Variants in MMD2 observed in about 807,000 individuals in gnomAD.
MMD2 encodes the protein monocyte to macrophage differentiation associated 2.
In MMD2, 30 loss-of-function variants were observed where a neutral mutation model predicts 33.5. The ratio of observed to expected loss-of-function variants is 0.90; its 90% CI spans 0.67 to 1.22. The LOEUF (loss-of-function observed/expected upper bound fraction) is 1.22. Among genes scored for constraint, MMD2 ranks in the 50% most tolerant of loss-of-function variants. MMD2 has a pLI of 0.00. For synonymous variants in MMD2, 129 were observed against 123.0 expected, an observed-to-expected ratio of 1.05 and a Z score of -0.32; for missense variants, 364 against 325.4, an observed-to-expected ratio of 1.12 and a Z score of -0.91.
In MMD2 at chr7:4,916,060, G is replaced by A. The variant is rs770899663; in HGVS notation, c.310C>T (p.His104Tyr). The part of the protein sequence containing the change: ...SHLRMVEHCL[H>Y]MFDRMVIYFF... Reference sequence around the variant, plus strand: ...TAGATGACCATCCGGTCGAACATGTGTAGACAGTGTTCCACCATCCTAGGG... The same window carrying A: ...TAGATGACCATCCGGTCGAACATGTATAGACAGTGTTCCACCATCCTAGGG... The change falls in exon 4 of 7, where the codon CAC (histidine) becomes TAC (tyrosine). Residue 104 changes from histidine (H) to tyrosine (Y), a missense_variant. Transcript: ENST00000401401. 4 of 1,613,824 alleles carry A rather than the reference G, an allele frequency of 2.5e-6. No homozygotes were observed. Among genetic ancestry groups the A allele is most frequent in the Non-Finnish European group, 3.4e-6 (4 of 1,179,844 alleles).
At chr7:4,955,512 G>T (rs1203396816) in intron 1 of MMD2, among the ~76,000 whole-genome samples, 1 of 152,182 alleles carries the variant, frequency 6.6e-6, no homozygotes, top group African/African-American at 2.4e-5. Context: ...ACTTGGAATT[G>T]ACTAGCCCAA....
intron 2 of MMD2, among the ~76,000 whole-genome samples, chr7:4,923,379 C>T (rs1284876182): frequency 6.6e-6 from 1 of 152,172 alleles, no homozygotes; most frequent in Non-Finnish European, 1.5e-5. Context: ...GCTGGGATTA[C>T]AGGTGTGAGC....
At chr7:4,924,582 G>T (rs60674651) in intron 2 of MMD2, among the ~76,000 whole-genome samples, 2,349 of 152,344 alleles carry the variant, frequency 0.015, 61 homozygotes, top group African/African-American at 0.054. Context: ...CTGGCATGGT[G>T]ATGGGCCGTG....
intron 6 of MMD2, 122 bp downstream of exon 6, chr7:4,909,759 C>A: frequency 4.5e-6 from 6 of 1,339,878 alleles, no homozygotes; most frequent in Non-Finnish European, 6.3e-6. Flanking sequence ...ACAAGTCATG[C>A]CAGGCCTCAG....
chr7:4,895,094 T>C, the MMD2 span, among the ~76,000 whole-genome samples: 1 of 151,416 alleles, frequency 6.6e-6, no homozygotes. Context: ...TTTTTTTTTT[T>C]CTGAGACAGA....
intron 1 of MMD2, among the ~76,000 whole-genome samples, chr7:4,935,437 G>A (rs1446502828): frequency 1.3e-5 from 2 of 152,020 alleles, no homozygotes; most frequent in Non-Finnish European, 2.9e-5. Flanking sequence ...ATATTGGCAT[G>A]CTTAGAAGTT....
Position 4,940,799 on chromosome 7 carries a change from G to A in MMD2, c.48-15267C>T, listed in dbSNP as rs1238553794. 6.6e-6 allele frequency among the ~76,000 whole-genome samples: 1 copy of A among 152,184 alleles called. No homozygotes were observed. The highest frequency in any genetic ancestry group is 2.4e-5 in the African/African-American group (1 of 41,460). ...TCTCGTGCCAGAGGCGCGGGACTCT[G>A]GCATGATCTGCAGGAGACAGCACTC... On this transcript the variant is annotated intron_variant, in intron 1 of 6. Transcript: ENST00000401401. The surrounding 1 kb of genome is among the most constrained non-coding windows in gnomAD (Gnocchi z 5.0).
chr7:4,956,405 G>A (rs942639862), intron 1 of MMD2, among the ~76,000 whole-genome samples: 2 of 151,530 alleles, frequency 1.3e-5, no homozygotes, highest in African/African-American at 2.4e-5. Flanking sequence ...CAGCCTGGGT[G>A]ATAGAGTAGA....
chr7:4,957,920 A>C (rs1317876798), intron 1 of MMD2, among the ~76,000 whole-genome samples: 1 of 152,208 alleles, frequency 6.6e-6, no homozygotes, highest in Non-Finnish European at 1.5e-5. Flanking sequence ...CAATATGACC[A>C]GAACTTGTGG....
chr7:4,913,048 C>CA (rs1222414716), intron 4 of MMD2, among the ~76,000 whole-genome samples: 1 of 151,836 alleles, frequency 6.6e-6, no homozygotes, highest in Non-Finnish European at 1.5e-5. Context: ...AAACTTCTGC[C>CA]AAAAAAAGTG....
intron 2 of MMD2, among the ~76,000 whole-genome samples, chr7:4,923,168 A>G (rs1785330667): frequency 6.6e-6 from 1 of 151,900 alleles, no homozygotes; most frequent in Admixed American, 6.6e-5. Flanking sequence ...AAGTGGCACA[A>G]TCTTGGCTCA....
intron 1 of MMD2, among the ~76,000 whole-genome samples, chr7:4,941,622 C>A (rs1583392835): frequency 9.7e-6 from 1 of 103,584 alleles, no homozygotes; most frequent in African/African-American, 3.8e-5. Context: ...AGAGTGAGAA[C>A]CTGTCTCAAA....
chr7:4,951,442 C>G (rs1362008610), intron 1 of MMD2, among the ~76,000 whole-genome samples: 1 of 151,998 alleles, frequency 6.6e-6, no homozygotes, highest in African/African-American at 2.4e-5. Context: ...CTGCACTTCA[C>G]CCCCCAATGG....
intron 4 of MMD2, among the ~76,000 whole-genome samples, chr7:4,914,201 G>A (rs145970354): frequency 3.9e-5 from 6 of 152,210 alleles, no homozygotes; most frequent in East Asian, 3.9e-4. Flanking sequence ...TCTTTCATGC[G>A]TGACCATGGT....
intron 1 of MMD2, 78 bp downstream of exon 1, chr7:4,958,893 A>G (rs1786461862): frequency 1.7e-6 from 2 of 1,209,864 alleles, no homozygotes; most frequent in Non-Finnish European, 2.1e-6. Flanking sequence ...GGGGCCCGAG[A>G]ACCAAGGTGG....
In MMD2 at chr7:4,909,904, G is replaced by C. The variant is rs764826554; in HGVS notation, c.514C>G (p.Pro172Ala). ...ACCATGGAGAGGATGACCAGGGCGGGGAAGAAGCCCATTACGACGTAGCAG... is the reference window on the plus strand; with the variant it reads ...ACCATGGAGAGGATGACCAGGGCGGCGAAGAAGCCCATTACGACGTAGCAG... ...LLCYVVMGFF[P>A]ALVILSMPNT... The change falls in exon 6 of 7, where the codon CCC (proline) becomes GCC (alanine). Residue 172 changes from proline to alanine, a missense_variant. Coordinates refer to ENST00000401401, the MANE Select transcript of MMD2 (RefSeq NM_198403.4). 3.1e-6 allele frequency: 5 copies of C among 1,613,722 alleles called. No individual in the cohort carries two copies. In the African/African-American group the frequency reaches 5.3e-5, roughly 17 times the overall value.
chr7:4,935,022 C>T (rs2115129482), intron 1 of MMD2, among the ~76,000 whole-genome samples: 1 of 152,180 alleles, frequency 6.6e-6, no homozygotes, highest in South Asian at 2.1e-4. Context: ...CCCATCTCTA[C>T]TAAAAATACA....
chr7:4,957,695 A>C (rs752444611), intron 1 of MMD2, among the ~76,000 whole-genome samples: 1 of 151,424 alleles, frequency 6.6e-6, no homozygotes, highest in South Asian at 2.1e-4. Context: ...CAATCTGGTC[A>C]ACAGAGTCAA....
chr7:4,896,945 C>T, the MMD2 span, among the ~76,000 whole-genome samples: 1 of 151,966 alleles, frequency 6.6e-6, no homozygotes, highest in East Asian at 1.9e-4. Context: ...CTGCAACCTC[C>T]ACCTCCCGGG....
Sources: allele counts gnomAD v4.1 joint callset (sites outside exome capture counted in the v4.1 genomes callset), GRCh38; gene constraint gnomAD v4.1.1; non-coding constraint Gnocchi (gnomAD v3.1); transcripts MANE v1.5; gene names NCBI Gene and HGNC (gene_info 2026-07-23, HGNC 2026-07-21).